TRPS1: variants seen among roughly 807,000 people sequenced by gnomAD.
TRPS1 encodes the protein zinc finger transcription factor Trps1.
Under a neutral mutation model 101.2 loss-of-function variants are expected in TRPS1, and 6 were observed. That is an observed-to-expected ratio of 0.06 (90% CI 0.03 to 0.12). TRPS1 has a LOEUF of 0.12. TRPS1 is among the 10% of genes least tolerant of loss of function. TRPS1 has a pLI of 1.00. For missense variants in TRPS1, 1,363 were observed against 1,567.0 expected, an observed-to-expected ratio of 0.87 and a Z score of 2.20; for synonymous variants, 578 against 589.8, an observed-to-expected ratio of 0.98 and a Z score of 0.29.
At chr8:115,634,987 T>C (rs547388447) in intron 1 of TRPS1, among the ~76,000 whole-genome samples, 1 of 152,218 alleles carries the variant, frequency 6.6e-6, no homozygotes, top group Admixed American at 6.5e-5. Flanking sequence ...ACCAATGTAG[T>C]CCAGGTAAGC....
intron 5 of TRPS1, among the ~76,000 whole-genome samples, chr8:115,562,876 C>CTGTGTGTG (rs10588354): frequency 0.026 from 3,500 of 132,622 alleles, 53 homozygotes; most frequent in East Asian, 0.036. Flanking sequence ...CCCACAGTGT[C>CTGTGTGTG]TGTGTGTGTG....
chr8:115,622,256 T>C (rs1818412547), intron 2 of TRPS1, among the ~76,000 whole-genome samples: 1 of 152,144 alleles, frequency 6.6e-6, no homozygotes, highest in South Asian at 2.1e-4. Flanking sequence ...TTATGTGTTA[T>C]GTCAACCTTT....
chr8:115,615,392 C>G (rs967540456), intron 3 of TRPS1, among the ~76,000 whole-genome samples: 1 of 152,190 alleles, frequency 6.6e-6, no homozygotes, highest in African/African-American at 2.4e-5. Context: ...GCATTACACC[C>G]TAATGAAACA....
At chr8:115,419,286 G>C (rs899552347) in intron 5 of TRPS1, among the ~76,000 whole-genome samples, 1 of 151,462 alleles carries the variant, frequency 6.6e-6, no homozygotes, top group African/African-American at 2.4e-5. Context: ...ATCAAGTAAT[G>C]ATTCCATTAA....
chr8:115,473,087 C>T (rs547635557), intron 5 of TRPS1, among the ~76,000 whole-genome samples: 10 of 152,258 alleles, frequency 6.6e-5, no homozygotes, highest in Admixed American at 3.3e-4. Flanking sequence ...CCACATTTTT[C>T]AGTGTCTTTA....
intron 5 of TRPS1, among the ~76,000 whole-genome samples, chr8:115,474,772 C>A (rs1490460673): frequency 2.0e-5 from 3 of 151,944 alleles, no homozygotes; most frequent in Admixed American, 6.5e-5. Context: ...GAAGTAAAAA[C>A]AAATTGGAGA....
chr8:115,435,114 C>T (rs1322500380), intron 5 of TRPS1, among the ~76,000 whole-genome samples: 1 of 152,080 alleles, frequency 6.6e-6, no homozygotes, highest in African/African-American at 2.4e-5. Flanking sequence ...CGAGTTTATA[C>T]TTATGTTTCT....
At chr8:115,653,201 A>G (rs190155349) in intron 1 of TRPS1, among the ~76,000 whole-genome samples, 379 of 152,338 alleles carry the variant, frequency 2.5e-3, no homozygotes, top group Non-Finnish European at 4.5e-3. Flanking sequence ...AATAAATAAC[A>G]TTAACAAAAT....
intron 5 of TRPS1, among the ~76,000 whole-genome samples, chr8:115,488,612 T>G (rs1814945529): frequency 6.6e-6 from 1 of 151,936 alleles, no homozygotes; most frequent in South Asian, 2.1e-4. Flanking sequence ...GAGGTGGAGG[T>G]TGCAGTGAGC....
intron 5 of TRPS1, among the ~76,000 whole-genome samples, chr8:115,421,092 C>T (rs531722709): frequency 2.6e-4 from 39 of 151,850 alleles, no homozygotes; most frequent in Non-Finnish European, 4.3e-4. Context: ...TCAAGCAATT[C>T]TCCTGCCTCA....
At chr8:115,607,405 GGTGTAC>G (rs930623655) in intron 3 of TRPS1, among the ~76,000 whole-genome samples, 2 of 151,252 alleles carry the variant, frequency 1.3e-5, no homozygotes, top group African/African-American at 2.4e-5. Flanking sequence ...CTTTGAAGTT[GGTGTAC>G]GTGTCTAGAT....
chr8:115,661,579 A>G (rs1418804771), intron 1 of TRPS1: 1 of 152,058 alleles, frequency 6.6e-6, no homozygotes, highest in Non-Finnish European at 1.5e-5. Flanking sequence ...CCTTTGTTCA[A>G]ATAATACTGC....
chr8:115,666,414 GA>G (rs551357070), intron 1 of TRPS1, among the ~76,000 whole-genome samples: 15,844 of 139,938 alleles, frequency 0.11, 2,136 homozygotes, highest in African/African-American at 0.33. Flanking sequence ...CTTGGGGAAA[GA>G]AAAAAAAAAA....
At chr8:115,575,676 G>C (rs1817301904) in intron 5 of TRPS1, among the ~76,000 whole-genome samples, 1 of 151,970 alleles carries the variant, frequency 6.6e-6, no homozygotes, top group South Asian at 2.1e-4. Context: ...CAGGAGCTAA[G>C]TAGAAATTTG....
intron 5 of TRPS1, among the ~76,000 whole-genome samples, chr8:115,507,388 C>T (rs1389024686): frequency 6.6e-6 from 1 of 152,084 alleles, no homozygotes; most frequent in Non-Finnish European, 1.5e-5. Flanking sequence ...CAAGGTGCTG[C>T]CAATTCTGGT....
At chr8:115,642,018 G>C (rs1283503624) in intron 1 of TRPS1, among the ~76,000 whole-genome samples, 1 of 152,062 alleles carries the variant, frequency 6.6e-6, no homozygotes, top group Non-Finnish European at 1.5e-5. Flanking sequence ...TTCAGGACCA[G>C]CCTGGAAAAT....
chr8:115,461,919 CT>C (rs1362457815), intron 5 of TRPS1, among the ~76,000 whole-genome samples: 2 of 151,984 alleles, frequency 1.3e-5, no homozygotes, highest in African/African-American at 2.4e-5. Flanking sequence ...AAATTCCAAC[CT>C]TAAAAAAAGA....
rs187235556 is a variant in TRPS1 at position 115,666,067 on chromosome 8, C to T, written c.-122+2478G>A. Among the ~76,000 whole-genome samples, 147 of 152,226 alleles carry T rather than the reference C, an allele frequency of 9.7e-4. 1 individual carries two copies. Among genetic ancestry groups the T allele is most frequent in the Non-Finnish European group, 1.6e-3 (111 of 67,988 alleles). On this transcript the variant is annotated intron_variant, in intron 1 of 6. Coordinates refer to ENST00000395715, the MANE Select transcript of TRPS1 (RefSeq NM_014112.5). ...AATGTTGGTATTAAGGCTCTATTTGCCCCTCAGGAGTTTTATTTTCACATT... is the reference window on the plus strand; with the variant it reads ...AATGTTGGTATTAAGGCTCTATTTGTCCCTCAGGAGTTTTATTTTCACATT...
rs1389390828 is a variant in TRPS1 at position 115,626,882 on chromosome 8, C to T, written c.-121-3124G>A. On this transcript the variant is annotated intron_variant, in intron 1 of 6. Transcript: ENST00000395715. Reference sequence around the variant, plus strand: ...GCTATGTTCTCTAGATTTTAAATATCTCATTTCAAATGCACTTGTCTAGGT... The same window carrying T: ...GCTATGTTCTCTAGATTTTAAATATTTCATTTCAAATGCACTTGTCTAGGT... 3.3e-5 allele frequency among the ~76,000 whole-genome samples: 5 copies of T among 151,670 alleles called. No homozygotes were observed. The East Asian group carries it at 9.6e-4, about 29-fold the overall frequency.
Sources: gnomAD v4.1 joint callset for allele counts (sites outside exome capture counted in the v4.1 genomes callset) on GRCh38, gnomAD v4.1.1 for gene constraint, MANE v1.5 for transcripts, NCBI Gene and HGNC (gene_info 2026-07-23, HGNC 2026-07-21) for gene names.